The following CPM variants were observed in gnomAD, a reference collection of about 807,000 sequenced individuals.
The protein encoded by CPM is renal carboxypeptidase.
In CPM, 35 loss-of-function variants were observed where a neutral mutation model predicts 46.4. The observed-to-expected ratio is 0.75, with a 90% confidence interval of 0.58 to 1.00. The LOEUF (loss-of-function observed/expected upper bound fraction) is 1.00. Ranked by LOEUF, CPM falls within the 50% of genes least tolerant of loss-of-function variation. The pLI, the probability that CPM is intolerant of heterozygous loss-of-function variation, is 0.00. For synonymous variants in CPM, 195 were observed against 195.3 expected (o/e 1.00, Z 0.01); for missense variants, 422 against 530.4 (o/e 0.80, Z 2.01).
At position 68,851,893 on chromosome 12, in the gene CPM, GATCT is replaced by G. The variant is rs1884707810; in HGVS notation, c.*4540_*4543del. Reference sequence around the variant, plus strand: ...CTAAAGTCATGAGGAAAATATAAAGGATCTATCATAAAATATACATCAACTGTAT... The same window carrying G: ...CTAAAGTCATGAGGAAAATATAAAGGATCATAAAATATACATCAACTGTAT... On this transcript the variant is annotated 3_prime_UTR_variant, in exon 9 of 9. Transcript: ENST00000551568. The G allele has an allele frequency of 6.6e-6, 1 of 152,018 alleles. No individual in the cohort carries two copies. The highest frequency in any genetic ancestry group is 2.4e-5 in the African/African-American group (1 of 41,378). 9.4% of individuals were successfully genotyped at this position (152,018 alleles called of 1,614,324 possible).
chr12:68,914,670 C>T (rs1331144278), intron 2 of CPM, among the ~76,000 whole-genome samples: 2 of 152,184 alleles, frequency 1.3e-5, no homozygotes, highest in African/African-American at 4.8e-5. Context: ...ATTAGGTTGG[C>T]ATTCATAGAA....
intron 1 of CPM, among the ~76,000 whole-genome samples, chr12:68,944,711 TTTTTTG>T (rs1888818090): frequency 2.0e-5 from 2 of 101,268 alleles, no homozygotes; most frequent in South Asian, 7.7e-4. Flanking sequence ...CTTCACCTTG[TTTTTTG>T]TTTTTTTTTT....
Position 68,941,170 on chromosome 12 carries a change from C to CGTGTGTGTGTGT in CPM, c.-3-8342_-3-8331dup, listed in dbSNP as rs370705580. ...AAGTAATTTGAAGATGTGCTGAGTACGTGTGTGTGTGTGTGTGTGTGTGTG... is the reference window on the plus strand; with the variant it reads ...AAGTAATTTGAAGATGTGCTGAGTACGTGTGTGTGTGTGTGTGTGTGTGTGTGTGTGTGTGTG... On this transcript the variant is annotated intron_variant, in intron 1 of 8. Coordinates refer to the CPM transcript ENST00000546373. Among the ~76,000 whole-genome samples the CGTGTGTGTGTGT allele has an allele frequency of 7.4e-3, 1,043 of 140,526 alleles. 7 individuals are homozygous for CGTGTGTGTGTGT. The highest frequency in any genetic ancestry group is 0.019 in the African/African-American group (726 of 37,246). 92.2% of individuals were successfully genotyped at this position (140,526 alleles called of 152,430 possible). A position where few individuals can be genotyped will look rare whatever the true frequency, so the allele number is the denominator to read the frequency against.
chr12:68,866,715 C>T (rs1319945923), intron 7 of CPM, 181 bp downstream of exon 7: 2 of 565,062 alleles, frequency 3.5e-6, no homozygotes, highest in Non-Finnish European at 3.1e-6. Flanking sequence ...AATGAGTGGG[C>T]ACTGCATTTC....
chr12:68,922,618 A>ATTTTTTTTTTTTTT (rs10603077), intron 2 of CPM, among the ~76,000 whole-genome samples: 1 of 138,118 alleles, frequency 7.2e-6, no homozygotes, highest in Non-Finnish European at 1.6e-5. Flanking sequence ...AGTTGGCAGC[A>ATTTTTTTTTTTTTT]TTTTTTTTTT....
At chr12:68,947,774 A>G (rs1163706175) in intron 1 of CPM, among the ~76,000 whole-genome samples, 1 of 152,014 alleles carries the variant, frequency 6.6e-6, no homozygotes, top group Non-Finnish European at 1.5e-5. Context: ...CCCCCGAAGT[A>G]GCTGGGACTA....
intron 2 of CPM, among the ~76,000 whole-genome samples, chr12:68,901,327 G>A (rs1031424913): frequency 3.3e-5 from 5 of 152,358 alleles, no homozygotes; most frequent in South Asian, 2.1e-4. Flanking sequence ...TGGGATTTAG[G>A]AGCCAGAGAG....
At chr12:68,928,642 A>G (rs1317742253) in intron 2 of CPM, among the ~76,000 whole-genome samples, 2 of 152,196 alleles carry the variant, frequency 1.3e-5, no homozygotes, top group Non-Finnish European at 2.9e-5. Context: ...GCTTTAAAAA[A>G]TCTCTAATAG....
intron 1 of CPM, among the ~76,000 whole-genome samples, chr12:68,961,938 T>C (rs11177418): frequency 0.084 from 12,741 of 151,648 alleles, 717 homozygotes; most frequent in South Asian, 0.2. Context: ...TGGTGGCTCA[T>C]GTCTGTAATC....
intron 2 of CPM, among the ~76,000 whole-genome samples, chr12:68,892,209 G>T (rs1428578833): frequency 6.6e-6 from 1 of 152,008 alleles, no homozygotes; most frequent in African/African-American, 2.4e-5. Flanking sequence ...AAACATCAAA[G>T]AAAAAACATC....
At chr12:68,914,405 C>T (rs913314589) in intron 2 of CPM, among the ~76,000 whole-genome samples, 1 of 152,188 alleles carries the variant, frequency 6.6e-6, no homozygotes, top group African/African-American at 2.4e-5. Flanking sequence ...GTTCAATAAT[C>T]GGCAGTGGCA....
At chr12:68,866,564 G>A (rs575056846) in intron 7 of CPM, among the ~76,000 whole-genome samples, 13 of 152,036 alleles carry the variant, frequency 8.6e-5, no homozygotes, top group Admixed American at 4.6e-4. Context: ...GGCTGGTCTC[G>A]AACTCCTGAC....
At chr12:68,905,002 G>A (rs942200266) in intron 2 of CPM, among the ~76,000 whole-genome samples, 6 of 151,644 alleles carry the variant, frequency 4.0e-5, no homozygotes, top group Admixed American at 2.0e-4. Context: ...TCCACCTCCC[G>A]GATTCAAGCA....
chr12:68,906,513 A>G (rs924374882), intron 2 of CPM, among the ~76,000 whole-genome samples: 2 of 151,834 alleles, frequency 1.3e-5, no homozygotes, highest in African/African-American at 4.8e-5. Flanking sequence ...TTTGAGAGAC[A>G]AAGTCTCACT....
At chr12:68,914,870 T>C (rs978851096) in intron 2 of CPM, among the ~76,000 whole-genome samples, 10 of 152,192 alleles carry the variant, frequency 6.6e-5, no homozygotes, top group Non-Finnish European at 8.8e-5. Flanking sequence ...ACTAGCTAAG[T>C]AGTCTCAGGC....
intron 3 of CPM, among the ~76,000 whole-genome samples, chr12:68,880,969 T>C (rs1433992163): frequency 6.6e-6 from 1 of 152,200 alleles, no homozygotes; most frequent in Non-Finnish European, 1.5e-5. Context: ...AGTAGAACAA[T>C]GACCTTTGCA....
chr12:68,955,104 A>T (rs1314291513), intron 1 of CPM, among the ~76,000 whole-genome samples: 2 of 152,172 alleles, frequency 1.3e-5, no homozygotes, highest in African/African-American at 4.8e-5. Context: ...AATCCGGGCC[A>T]GTAGCACAAG....
chr12:68,872,758 G>A (rs1254343308), intron 3 of CPM, among the ~76,000 whole-genome samples: 2 of 151,636 alleles, frequency 1.3e-5, no homozygotes, highest in Non-Finnish European at 2.9e-5. Context: ...TTTTAAGACA[G>A]GGTCTTGCTA....
intron 2 of CPM, among the ~76,000 whole-genome samples, chr12:68,929,071 A>G (rs1299771798): frequency 1.3e-5 from 2 of 152,070 alleles, no homozygotes; most frequent in African/African-American, 4.8e-5. Context: ...GGGGTTTTGT[A>G]TGTAGCAGAG....
Sources: allele counts gnomAD v4.1 joint callset (sites outside exome capture counted in the v4.1 genomes callset), GRCh38; gene constraint gnomAD v4.1.1; transcripts MANE v1.5; gene names NCBI Gene and HGNC (gene_info 2026-07-23, HGNC 2026-07-21).